The following PCED1B variants were observed in gnomAD, a reference collection of about 807,000 sequenced individuals.
PCED1B encodes PC-esterase domain-containing protein 1B.
For missense variants in PCED1B, 573 were observed against 573.9 expected (o/e 1.00, Z 0.02); for synonymous variants, 251 against 246.1 (o/e 1.02, Z -0.19).
At chr12:47,104,265 A>G (rs1200179946) in intron 2 of PCED1B, 70 bp downstream of exon 2, 1 of 152,334 alleles carries the variant, frequency 6.6e-6, no homozygotes, top group Non-Finnish European at 1.5e-5. Flanking sequence ...ATTGAAACAA[A>G]ACAAAATGAA....
intron 1 of PCED1B, among the ~76,000 whole-genome samples, chr12:47,099,056 T>TC (rs1298335416): frequency 2.6e-5 from 4 of 152,166 alleles, no homozygotes; most frequent in Non-Finnish European, 1.5e-5. Flanking sequence ...CCAATGGACT[T>TC]CCCCGTCCCC....
intron 2 of PCED1B, among the ~76,000 whole-genome samples, chr12:47,167,855 C>G (rs536483395): frequency 3.9e-5 from 6 of 152,166 alleles, no homozygotes; most frequent in African/African-American, 1.4e-4. Context: ...GTAAAACTCT[C>G]GAGCAGTACC....
chr12:47,122,053 A>T (rs1455596213), intron 2 of PCED1B, among the ~76,000 whole-genome samples: 1 of 151,694 alleles, frequency 6.6e-6, no homozygotes, highest in Non-Finnish European at 1.5e-5. Flanking sequence ...AGATGCTCTG[A>T]ACTTCCCTTT....
chr12:47,206,665 G>A (rs1942920632), intron 2 of PCED1B: 1 of 151,966 alleles, frequency 6.6e-6, no homozygotes, highest in African/African-American at 2.4e-5. Context: ...GGTTTTCTTT[G>A]GGGGACTGAG....
At chr12:47,128,932 C>T (rs1162929280) in intron 2 of PCED1B, among the ~76,000 whole-genome samples, 1 of 152,204 alleles carries the variant, frequency 6.6e-6, no homozygotes, top group Non-Finnish European at 1.5e-5. Flanking sequence ...TGCGGAAGTG[C>T]AGAAAGCCAT....
chr12:47,092,212 T>C (rs1332944594), intron 1 of PCED1B, among the ~76,000 whole-genome samples: 1 of 152,054 alleles, frequency 6.6e-6, no homozygotes, highest in Non-Finnish European at 1.5e-5. Flanking sequence ...CTTTAATTTT[T>C]CTCAATAATA....
intron 2 of PCED1B, among the ~76,000 whole-genome samples, chr12:47,175,474 A>C (rs1479652069): frequency 6.6e-6 from 1 of 152,184 alleles, no homozygotes; most frequent in African/African-American, 2.4e-5. Context: ...AACAATTTCT[A>C]AATGTCAGGT....
chr12:47,192,801 A>T (rs1396981628), intron 2 of PCED1B, among the ~76,000 whole-genome samples: 3 of 152,184 alleles, frequency 2.0e-5, no homozygotes, highest in Non-Finnish European at 4.4e-5. Flanking sequence ...ATTTCATTTA[A>T]CCATCATTCC....
At chr12:47,104,279 C>T (rs940608254) in intron 2 of PCED1B, 84 bp downstream of exon 2, 1 of 152,132 alleles carries the variant, frequency 6.6e-6, no homozygotes, top group Admixed American at 6.5e-5. Context: ...AAATGAAAAC[C>T]TTAGTTATTG....
rs1271325546 is a variant in PCED1B at position 47,228,318 on chromosome 12, G to A, written c.-57-6689G>A. On this transcript the variant is annotated intron_variant, in intron 3 of 3. Coordinates refer to ENST00000546455, the MANE Select transcript of PCED1B (RefSeq NM_138371.3). ...GTAGAGATTACAGGCATGATCCACC[G>A]TGCCCTGCCTGGGTTCTTCTGAATT... 4.6e-5 allele frequency among the ~76,000 whole-genome samples: 7 copies of A among 151,970 alleles called. No homozygotes were observed. In the East Asian group the frequency reaches 7.7e-4, roughly 17 times the overall value.
At chr12:47,214,643 A>T (rs1943193883) in intron 2 of PCED1B, among the ~76,000 whole-genome samples, 1 of 152,074 alleles carries the variant, frequency 6.6e-6, no homozygotes, top group South Asian at 2.1e-4. Context: ...CCAAATCTCA[A>T]TTCAAAAAAA....
chr12:47,213,470 A>G (rs1375932946), intron 2 of PCED1B, among the ~76,000 whole-genome samples: 4 of 152,202 alleles, frequency 2.6e-5, no homozygotes, highest in Admixed American at 1.3e-4. Flanking sequence ...AAATTAATGT[A>G]TATATATGTA....
intron 2 of PCED1B, among the ~76,000 whole-genome samples, chr12:47,153,677 C>T (rs1357537197): frequency 6.6e-6 from 1 of 152,102 alleles, no homozygotes; most frequent in Non-Finnish European, 1.5e-5. Flanking sequence ...CTTTGCATTG[C>T]CTTTAGGGAA....
intron 1 of PCED1B, among the ~76,000 whole-genome samples, chr12:47,091,911 G>A (rs1032538081): frequency 2.6e-5 from 4 of 152,000 alleles, no homozygotes; most frequent in Non-Finnish European, 4.4e-5. Flanking sequence ...ATCTGTTCTT[G>A]CACTAGTACC....
chr12:47,232,708 A>G (rs897036366), intron 3 of PCED1B, among the ~76,000 whole-genome samples: 3 of 150,648 alleles, frequency 2.0e-5, no homozygotes, highest in African/African-American at 7.5e-5. Flanking sequence ...AAATAATCTG[A>G]AGTTTTGAAG....
At chr12:47,211,872 G>A (rs539314952) in intron 2 of PCED1B, among the ~76,000 whole-genome samples, 1 of 151,372 alleles carries the variant, frequency 6.6e-6, no homozygotes, top group East Asian at 2.0e-4. Context: ...TCAGGAGATC[G>A]AGACCATCCC....
intron 2 of PCED1B, among the ~76,000 whole-genome samples, chr12:47,132,570 G>T (rs903526549): frequency 6.6e-6 from 1 of 152,116 alleles, no homozygotes; most frequent in African/African-American, 2.4e-5. Flanking sequence ...TGAGGAATGG[G>T]CTCCATCTGA....
At chr12:47,123,913 A>T (rs1186898424) in intron 2 of PCED1B, among the ~76,000 whole-genome samples, 1 of 151,944 alleles carries the variant, frequency 6.6e-6, no homozygotes, top group Admixed American at 6.6e-5. Flanking sequence ...TGAATGCATC[A>T]TTGTTTATTT....
At chr12:47,109,964 G>A (rs1467676211) in intron 2 of PCED1B, among the ~76,000 whole-genome samples, 2 of 152,236 alleles carry the variant, frequency 1.3e-5, no homozygotes, top group East Asian at 3.9e-4. Context: ...TGAAATTTGG[G>A]CAGTATATCA....
Sources: allele counts gnomAD v4.1 joint callset (sites outside exome capture counted in the v4.1 genomes callset), GRCh38; gene constraint gnomAD v4.1.1; transcripts MANE v1.5; gene names NCBI Gene and HGNC (gene_info 2026-07-23, HGNC 2026-07-21).